Variants in RAB38 observed in about 807,000 individuals in gnomAD.
RAB38 encodes RAB38, member RAS oncogene family.
In RAB38, 15 loss-of-function variants were observed where a neutral mutation model predicts 18.4. The ratio of observed to expected loss-of-function variants is 0.82; its 90% confidence interval spans 0.55 to 1.26. RAB38 has a LOEUF of 1.26. Among genes scored for constraint, RAB38 ranks in the 50% most tolerant of loss-of-function variants. The pLI, the probability that RAB38 is intolerant of heterozygous loss-of-function variation, is 0.00. For synonymous variants in RAB38, 101 were observed against 104.4 expected (o/e 0.97, Z 0.20); for missense variants, 294 against 267.4 (o/e 1.10, Z -0.69).
At chr11:88,135,965 A>C (rs1942829998) in intron 2 of RAB38, among the ~76,000 whole-genome samples, 2 of 152,252 alleles carry the variant, frequency 1.3e-5, no homozygotes, top group South Asian at 4.1e-4. Flanking sequence ...AAAGTTCTCA[A>C]GAGAGAACTT....
At chr11:87,809,205 C>G in the RAB38 span, among the ~76,000 whole-genome samples, 1 of 152,050 alleles carries the variant, frequency 6.6e-6, no homozygotes, top group Non-Finnish European at 1.5e-5. Context: ...CAAAATTCAG[C>G]TATATGTTGT....
intron 1 of RAB38, among the ~76,000 whole-genome samples, chr11:88,163,870 A>G (rs1055508679): frequency 6.6e-6 from 1 of 152,074 alleles, no homozygotes; most frequent in East Asian, 1.9e-4. Flanking sequence ...CTGGAGCCCA[A>G]TGCTACCAGC....
chr11:88,079,056 C>T, the RAB38 span, among the ~76,000 whole-genome samples: 762 of 151,402 alleles, frequency 5.0e-3, 3 homozygotes, highest in African/African-American at 0.017. Flanking sequence ...ATAGAGCAAA[C>T]GAAACCTAAA....
chr11:87,974,839 A>AAAAC, the RAB38 span, among the ~76,000 whole-genome samples: 77 of 152,048 alleles, frequency 5.1e-4, no homozygotes, highest in Middle Eastern at 3.4e-3. Context: ...ACTCAGAGAT[A>AAAAC]AAACAAACAA....
At chr11:88,037,947 A>G in the RAB38 span, among the ~76,000 whole-genome samples, 5 of 152,194 alleles carry the variant, frequency 3.3e-5, no homozygotes, top group Non-Finnish European at 7.4e-5. Context: ...AATCATAAAG[A>G]TATATAAAAT....
At chr11:87,937,309 A>G in the RAB38 span, among the ~76,000 whole-genome samples, 2 of 64,442 alleles carry the variant, frequency 3.1e-5, no homozygotes, top group Non-Finnish European at 5.6e-5. Context: ...TTACTTGGTC[A>G]TCATATATAT....
chr11:87,843,809 T>C, the RAB38 span, among the ~76,000 whole-genome samples: 1 of 152,278 alleles, frequency 6.6e-6, no homozygotes, highest in East Asian at 1.9e-4. Flanking sequence ...GTCAAAGATT[T>C]ATATGACTGA....
chr11:88,170,948 T>C (rs763336610), intron 1 of RAB38, among the ~76,000 whole-genome samples: 2 of 152,232 alleles, frequency 1.3e-5, no homozygotes, highest in Non-Finnish European at 2.9e-5. Context: ...CGACTGTTCC[T>C]ATTCTCCTCT....
At chr11:88,157,254 T>C (rs1263427360) in intron 1 of RAB38, among the ~76,000 whole-genome samples, 1 of 152,206 alleles carries the variant, frequency 6.6e-6, no homozygotes, top group Non-Finnish European at 1.5e-5. Flanking sequence ...AAAAAGGCCA[T>C]TACATAATAA....
chr11:88,066,245 G>A, the RAB38 span, among the ~76,000 whole-genome samples: 48 of 152,290 alleles, frequency 3.2e-4, no homozygotes, highest in African/African-American at 1.1e-3. Context: ...TTGAGGTACT[G>A]TTTGTATATG....
At chr11:87,944,141 AAAAG>A in the RAB38 span, among the ~76,000 whole-genome samples, 492 of 152,274 alleles carry the variant, frequency 3.2e-3, 10 homozygotes, top group Non-Finnish European at 7.1e-4. Context: ...CATTATTCTA[AAAAG>A]AAACATAGAT....
the RAB38 span, among the ~76,000 whole-genome samples, chr11:88,069,883 T>A: frequency 5.9e-5 from 9 of 151,584 alleles, no homozygotes; most frequent in African/African-American, 2.2e-4. Flanking sequence ...GGATTGTAAA[T>A]ACACCAATCA....
chr11:87,972,104 T>C, the RAB38 span, among the ~76,000 whole-genome samples: 1 of 151,892 alleles, frequency 6.6e-6, no homozygotes, highest in Non-Finnish European at 1.5e-5. Flanking sequence ...CATTACAGAG[T>C]GCCATGGAAA....
chr11:88,154,869 A>G (rs1180825322), intron 1 of RAB38, among the ~76,000 whole-genome samples: 1 of 152,182 alleles, frequency 6.6e-6, no homozygotes, highest in South Asian at 2.1e-4. Flanking sequence ...TCTCTGCTCC[A>G]TGCCCAGGCA....
chr11:87,875,890 A>G, the RAB38 span, among the ~76,000 whole-genome samples: 1 of 151,738 alleles, frequency 6.6e-6, no homozygotes, highest in East Asian at 2.0e-4. Context: ...GATGTTCTAT[A>G]TCTACAATCC....
the RAB38 span, among the ~76,000 whole-genome samples, chr11:88,092,618 A>G: frequency 6.6e-6 from 1 of 151,972 alleles, no homozygotes; most frequent in African/African-American, 2.4e-5. Flanking sequence ...ACATTTCAAT[A>G]TGAGATTTAA....
the RAB38 span, among the ~76,000 whole-genome samples, chr11:87,849,883 A>G: frequency 2.1e-4 from 32 of 152,102 alleles, no homozygotes; most frequent in Admixed American, 2.1e-3. Flanking sequence ...TTTGACTTTT[A>G]TAATTGAGGG....
the RAB38 span, among the ~76,000 whole-genome samples, chr11:87,962,087 T>C: frequency 6.6e-6 from 1 of 152,190 alleles, no homozygotes. Context: ...CACTACATTA[T>C]AAAGTAAGGA....
At chr11:88,084,137 A>C in the RAB38 span, among the ~76,000 whole-genome samples, 2 of 151,794 alleles carry the variant, frequency 1.3e-5, no homozygotes, top group African/African-American at 2.4e-5. Context: ...GGATGGGGGG[A>C]GTAATAATGT....
Sources: allele counts gnomAD v4.1 joint callset (sites outside exome capture counted in the v4.1 genomes callset), GRCh38; gene constraint gnomAD v4.1.1; transcripts MANE v1.5; gene names NCBI Gene and HGNC (gene_info 2026-07-23, HGNC 2026-07-21).